Variants in DNAH3 observed in about 807,000 individuals in gnomAD.
The protein encoded by DNAH3 is axonemal beta dynein heavy chain 3.
In DNAH3, 332 loss-of-function variants were observed where a neutral mutation model predicts 432.5. That is an observed-to-expected ratio of 0.77 (90% CI 0.70 to 0.84). The LOEUF (loss-of-function observed/expected upper bound fraction) is 0.84, where lower values mean the gene tolerates loss of function less well. DNAH3 is among the 40% of genes least tolerant of loss of function. The pLI is 0.00. For synonymous variants in DNAH3, 1,956 were observed against 1,900.2 expected (o/e 1.03, Z -0.76); for missense variants, 4,861 against 5,114.0 (o/e 0.95, Z 1.51).
At chr16:21,125,707 C>T (rs1189459659) in intron 8 of DNAH3, among the ~76,000 whole-genome samples, 1 of 152,214 alleles carries the variant, frequency 6.6e-6, no homozygotes, top group Non-Finnish European at 1.5e-5. Context: ...TTCTGTCCAA[C>T]TTCTCTCTCT....
chr16:21,123,626 G>A (rs1323440041), intron 9 of DNAH3, among the ~76,000 whole-genome samples: 71 of 152,128 alleles, frequency 4.7e-4, no homozygotes, highest in Non-Finnish European at 1.5e-5. Context: ...ACTTCATTTG[G>A]AAAACTTAAC....
intron 17 of DNAH3, 126 bp downstream of exon 17, chr16:21,098,490 C>A: frequency 2.7e-5 from 20 of 734,224 alleles, no homozygotes; most frequent in Non-Finnish European, 3.4e-5. Context: ...AATGAAAGAA[C>A]TGGCCAATGA....
intron 1 of DNAH3, among the ~76,000 whole-genome samples, chr16:21,151,605 C>G (rs919984970): frequency 6.6e-6 from 1 of 152,036 alleles, no homozygotes; most frequent in Non-Finnish European, 1.5e-5. Context: ...CAGTTTTTCC[C>G]CATTTTAACA....
intron 34 of DNAH3, among the ~76,000 whole-genome samples, chr16:21,037,465 C>A (rs1233240167): frequency 2.0e-5 from 3 of 152,126 alleles, no homozygotes; most frequent in Non-Finnish European, 1.5e-5. Flanking sequence ...CAGAGCCTGG[C>A]AAGTAAGATT....
In DNAH3 at chr16:21,117,314, A is replaced by C. The variant is rs557389710; in HGVS notation, c.1703T>G (p.Leu568Arg). 22 of 1,604,608 alleles carry C rather than the reference A, an allele frequency of 1.4e-5. No homozygotes were observed. In the African/African-American group the frequency reaches 1.6e-4, roughly 12 times the overall value. Reference sequence around the variant, plus strand: ...TCCAAGGAGCAGATTATATCCTTTCAGCTCTGGGAACAGGACAGATTCCAC... The same window carrying C: ...TCCAAGGAGCAGATTATATCCTTTCCGCTCTGGGAACAGGACAGATTCCAC... Residue 568 changes from leucine to arginine, a missense_variant, in exon 12 of 62, where the codon CTG becomes CGG. By Grantham distance (102) the Leu-to-Arg change is moderately radical (BLOSUM62 -2). Coordinates refer to ENST00000261383, the Ensembl canonical transcript of DNAH3.
intron 51 of DNAH3, among the ~76,000 whole-genome samples, chr16:20,971,893 G>T (rs2085358605): frequency 6.6e-6 from 1 of 152,160 alleles, no homozygotes; most frequent in South Asian, 2.1e-4. Context: ...CTCTGGCACA[G>T]GCTACAAATG....
In DNAH3 at chr16:21,024,671, T is replaced by A. The variant is rs2088446077; in HGVS notation, c.5571A>T (p.Gln1857His). Reference sequence around the variant, plus strand: ...AATCCTTCAGGGGCTTCCAGCCTAGTTGATGGGGCTCCATGTAGATCATCC... The same window carrying A: ...AATCCTTCAGGGGCTTCCAGCCTAGATGATGGGGCTCCATGTAGATCATCC... The change falls in exon 39 of 62, where the codon CAA (glutamine) becomes CAT (histidine). Residue 1857 changes from glutamine (Q) to histidine (H), a missense_variant. Coordinates refer to ENST00000261383, the Ensembl canonical transcript of DNAH3. 6.2e-7 allele frequency: 1 copy of A among 1,613,744 alleles called. No individual in the cohort carries two copies. The highest frequency in any genetic ancestry group is 1.7e-5 in the Admixed American group (1 of 59,970).
At chr16:20,946,704 G>A (rs544413512) in intron 57 of DNAH3, among the ~76,000 whole-genome samples, 2 of 151,390 alleles carry the variant, frequency 1.3e-5, no homozygotes, top group South Asian at 4.2e-4. Flanking sequence ...TGTTGGGTGT[G>A]TTAGGCCTTA....
intron 7 of DNAH3, among the ~76,000 whole-genome samples, chr16:21,128,826 T>C (rs973747649): frequency 1.8e-4 from 26 of 140,718 alleles, no homozygotes; most frequent in African/African-American, 6.7e-4. Flanking sequence ...ATCACTGCAC[T>C]CCAGCCTGGG....
Position 21,110,936 on chromosome 16 carries a change from T to C in DNAH3, c.2099+690A>G, listed in dbSNP as rs375786208. ...AGGAGGATTGCTTGAATCTAGGAAT[T>C]TGAGGCTACCGTGCACTGTGACTGT... On this transcript the variant is annotated intron_variant, in intron 14 of 61. Transcript: ENST00000261383. 1.4e-4 allele frequency among the ~76,000 whole-genome samples: 21 copies of C among 152,212 alleles called. 1 individual carries two copies. In the South Asian group the frequency reaches 4.0e-3, roughly 29 times the overall value.
chr16:21,060,067 C>T (rs858203), intron 26 of DNAH3, among the ~76,000 whole-genome samples, 197 bp downstream of exon 26: 33,875 of 152,108 alleles, frequency 0.22, 3,982 homozygotes, highest in East Asian at 0.46. Context: ...CTTGCATCAC[C>T]TGCTTCTAAC....
Position 21,095,125 on chromosome 16 carries a change from C to T in DNAH3, c.2665+2230G>A, listed in dbSNP as rs534662584. 1.4e-4 allele frequency among the ~76,000 whole-genome samples: 22 copies of T among 152,294 alleles called. 1 individual carries two copies. Among genetic ancestry groups the T allele is most frequent in the East Asian group, 1.2e-3 (6 of 5,184 alleles). On this transcript the variant is annotated intron_variant, in intron 18 of 61. Transcript: ENST00000261383. ...TCACACATTGGTGAGGGATGCACAA[C>T]GGCACAGCCACTGTGGAAAACAAAA...
chr16:20,957,879 G>A (rs916501464), intron 54 of DNAH3, among the ~76,000 whole-genome samples: 14 of 132,402 alleles, frequency 1.1e-4, no homozygotes, highest in Non-Finnish European at 1.9e-4. Context: ...AGTTAAAATG[G>A]ACTTTAAAGT....
At chr16:21,042,050 C>T in exon 32 of DNAH3, 1 of 1,613,954 alleles carries the variant, frequency 6.2e-7, no homozygotes, top group Non-Finnish European at 8.5e-7. Context: ...GGCAGTTCAG[C>T]CCTGCCAGCA....
chr16:21,018,433 A>T (rs991929069), intron 41 of DNAH3, among the ~76,000 whole-genome samples: 2 of 152,150 alleles, frequency 1.3e-5, no homozygotes, highest in Admixed American at 6.6e-5. Context: ...TCTAAATTTT[A>T]TATAATGTCT....
exon 52 of DNAH3, chr16:20,969,940 T>C (rs1434248716): frequency 1.2e-6 from 2 of 1,614,008 alleles, no homozygotes; most frequent in African/African-American, 1.3e-5. Context: ...GAGCAGCTAG[T>C]GCAGCCTCGA....
At chr16:21,147,292 T>TC (rs907586977) in intron 1 of DNAH3, among the ~76,000 whole-genome samples, 1 of 151,686 alleles carries the variant, frequency 6.6e-6, no homozygotes, top group African/African-American at 2.4e-5. Context: ...CGATCTTAGC[T>TC]CACTGCAACT....
intron 7 of DNAH3, 124 bp downstream of exon 8, chr16:21,134,135 A>G: frequency 2.0e-6 from 2 of 980,880 alleles, no homozygotes; most frequent in East Asian, 2.6e-5. Flanking sequence ...TTTGGCCTAG[A>G]TTTTTTTTTC....
chr16:21,112,164 G>A (rs2092091658), intron 12 of DNAH3, 66 bp from the exon 13 acceptor site: 1 of 1,103,300 alleles, frequency 9.1e-7, no homozygotes, highest in Non-Finnish European at 1.3e-6. Flanking sequence ...ATGAGTCAGA[G>A]TGGCAAATGA....
Sources: gnomAD v4.1 joint callset for allele counts (sites outside exome capture counted in the v4.1 genomes callset) on GRCh38, gnomAD v4.1.1 for gene constraint, MANE v1.5 for transcripts, NCBI Gene and HGNC (gene_info 2026-07-23, HGNC 2026-07-21) for gene names.